Variants in NRG3 observed in about 807,000 individuals in gnomAD.
NRG3 encodes neuregulin 3, also known as pro-neuregulin-3, membrane-bound isoform.
In NRG3, 31 loss-of-function variants were observed where a neutral mutation model predicts 66.9. The observed-to-expected ratio is 0.46, with a 90% CI of 0.35 to 0.63. The LOEUF is 0.63. Ranked by LOEUF, NRG3 falls within the 20% of genes least tolerant of loss-of-function variation. The probability of loss-of-function intolerance (pLI) is 0.00; values close to 1 mark genes in which losing one functional copy is unlikely to be tolerated. For missense variants in NRG3, 910 were observed against 878.9 expected (o/e 1.04, Z -0.45); for synonymous variants, 393 against 359.4 (o/e 1.09, Z -1.06).
At chr10:82,877,866 A>C (rs1277635548) in intron 4 of NRG3, among the ~76,000 whole-genome samples, 1 of 152,224 alleles carries the variant, frequency 6.6e-6, no homozygotes, top group Non-Finnish European at 1.5e-5. Context: ...TGTGGAAAAC[A>C]TTAGGTTCTG....
chr10:82,431,329 C>T (rs540227071), intron 2 of NRG3, among the ~76,000 whole-genome samples: 1 of 152,202 alleles, frequency 6.6e-6, no homozygotes, highest in African/African-American at 2.4e-5. Context: ...TGCTGGGTTG[C>T]TGATTTTCAC....
At chr10:82,615,229 T>C (rs763114130) in intron 2 of NRG3, among the ~76,000 whole-genome samples, 2 of 152,154 alleles carry the variant, frequency 1.3e-5, no homozygotes, top group African/African-American at 2.4e-5. Context: ...GTTTGCGAGT[T>C]TAGAAATGTA....
In NRG3 at chr10:82,099,110, G is replaced by T. The variant is rs981500874; in HGVS notation, c.823+222947G>T. On this transcript the variant is annotated intron_variant, in intron 1 of 8. Coordinates refer to ENST00000372141, the MANE Select transcript of NRG3 (RefSeq NM_001010848.4). ...CAAAGATTTTAATTTTATAAATTAT[G>T]ATTTCTTTTTTCTTTCATGGATTAT... 5.9e-5 allele frequency among the ~76,000 whole-genome samples: 9 copies of T among 152,194 alleles called. No individual in the cohort carries two copies. The South Asian group carries it at 1.9e-3, about 32-fold the overall frequency.
intron 1 of NRG3, among the ~76,000 whole-genome samples, chr10:82,009,665 C>T (rs2061502768): frequency 6.6e-6 from 1 of 151,980 alleles, no homozygotes; most frequent in African/African-American, 2.4e-5. Flanking sequence ...GGGATGCATG[C>T]ACTCTCAATA....
chr10:82,614,865 G>C (rs1215571972), intron 2 of NRG3, among the ~76,000 whole-genome samples: 1 of 151,912 alleles, frequency 6.6e-6, no homozygotes, highest in Non-Finnish European at 1.5e-5. Flanking sequence ...GTTTCTGCTA[G>C]TAGTTTAGGT....
At chr10:82,294,007 G>A (rs2079898698) in intron 1 of NRG3, among the ~76,000 whole-genome samples, 1 of 151,682 alleles carries the variant, frequency 6.6e-6, no homozygotes, top group African/African-American at 2.4e-5. Flanking sequence ...TGCTACTCTG[G>A]TTTTTGGCCT....
At chr10:82,248,890 C>A (rs889054453) in intron 1 of NRG3, among the ~76,000 whole-genome samples, 1 of 152,092 alleles carries the variant, frequency 6.6e-6, no homozygotes, top group South Asian at 2.1e-4. Flanking sequence ...TTTGTGTTTC[C>A]TGGCTTGTCT....
chr10:82,050,668 C>T (rs180905965), intron 1 of NRG3, among the ~76,000 whole-genome samples: 1 of 152,130 alleles, frequency 6.6e-6, no homozygotes, highest in African/African-American at 2.4e-5. Flanking sequence ...CCTTCGTAGA[C>T]ATTTTGGTGG....
chr10:82,583,521 T>G (rs2046485429), intron 2 of NRG3, among the ~76,000 whole-genome samples: 1 of 152,246 alleles, frequency 6.6e-6, no homozygotes, highest in South Asian at 2.1e-4. Context: ...TTTGGTACTG[T>G]GTTTGTCATA....
chr10:82,012,926 A>G (rs1050705470), intron 1 of NRG3, among the ~76,000 whole-genome samples: 1 of 152,196 alleles, frequency 6.6e-6, no homozygotes, highest in Non-Finnish European at 1.5e-5. Context: ...AAACCTTCCC[A>G]CATTTTTCTG....
At position 81,888,325 on chromosome 10, in the gene NRG3, C is replaced by T. The variant is rs559576026; in HGVS notation, c.823+12162C>T. Among the ~76,000 whole-genome samples, 70 of 152,142 alleles carry T rather than the reference C, an allele frequency of 4.6e-4. 1 individual carries two copies. Among genetic ancestry groups the T allele is most frequent in the Admixed American group, 1.9e-3 (29 of 15,272 alleles). ...GGAGTGTTCCTGATATAACACATTG[C>T]GACACTTTTCACATATCTTAACACA... On this transcript the variant is annotated intron_variant, in intron 1 of 8. Coordinates refer to ENST00000372141, the MANE Select transcript of NRG3 (RefSeq NM_001010848.4).
intron 2 of NRG3, among the ~76,000 whole-genome samples, chr10:82,571,183 A>G (rs1033120209): frequency 1.3e-5 from 2 of 151,588 alleles, no homozygotes; most frequent in Non-Finnish European, 1.5e-5. Context: ...ATTGTTAAAC[A>G]TTTGACATGA....
chr10:82,835,548 A>G (rs1008346420), intron 3 of NRG3, among the ~76,000 whole-genome samples: 1 of 152,066 alleles, frequency 6.6e-6, no homozygotes, highest in African/African-American at 2.4e-5. Flanking sequence ...CAATTTGTCC[A>G]GCATCACAGA....
chr10:82,611,052 T>G (rs2048283442), intron 2 of NRG3, among the ~76,000 whole-genome samples: 1 of 152,016 alleles, frequency 6.6e-6, no homozygotes, highest in Non-Finnish European at 1.5e-5. Context: ...ATGAATATTC[T>G]ACTTTAAATT....
At chr10:82,489,119 G>A (rs1842904729) in intron 2 of NRG3, among the ~76,000 whole-genome samples, 1 of 152,056 alleles carries the variant, frequency 6.6e-6, no homozygotes, top group Non-Finnish European at 1.5e-5. Flanking sequence ...AGATAATGGG[G>A]GTTTAGAAAA....
chr10:82,297,209 A>G (rs1429407711), intron 1 of NRG3, among the ~76,000 whole-genome samples: 1 of 152,108 alleles, frequency 6.6e-6, no homozygotes, highest in East Asian at 1.9e-4. Flanking sequence ...TGATTCTATG[A>G]CTTTGCTATT....
At chr10:82,682,951 T>C (rs2054219636) in intron 2 of NRG3, among the ~76,000 whole-genome samples, 2 of 129,778 alleles carry the variant, frequency 1.5e-5, no homozygotes, top group African/African-American at 5.9e-5. Flanking sequence ...TCTTAATTTT[T>C]TTTTTTTTTT....
At chr10:82,615,579 C>T (rs572816393) in intron 2 of NRG3, among the ~76,000 whole-genome samples, 22 of 152,268 alleles carry the variant, frequency 1.4e-4, no homozygotes, top group African/African-American at 5.1e-4. Context: ...TATTCTAAAT[C>T]TATTCTAGGC....
At chr10:82,917,630 T>C (rs1446961878) in intron 4 of NRG3, among the ~76,000 whole-genome samples, 2 of 152,168 alleles carry the variant, frequency 1.3e-5, no homozygotes, top group Non-Finnish European at 2.9e-5. Context: ...ATCTTCCTTG[T>C]TGGTGCTTGG....
Sources: gnomAD v4.1 joint callset for allele counts (sites outside exome capture counted in the v4.1 genomes callset) on GRCh38, gnomAD v4.1.1 for gene constraint, MANE v1.5 for transcripts, NCBI Gene and HGNC (gene_info 2026-07-23, HGNC 2026-07-21) for gene names.